The following ZBTB40 variants were observed in gnomAD, a reference collection of about 807,000 sequenced individuals.
ZBTB40 encodes the protein zinc finger and BTB domain containing 40.
ZBTB40 carries 60 observed loss-of-function variants against 117.5 expected under a neutral mutation model. The observed-to-expected ratio is 0.51, with a 90% confidence interval of 0.41 to 0.63. The LOEUF (loss-of-function observed/expected upper bound fraction) is 0.63. Ranked by LOEUF, ZBTB40 falls within the 30% of genes least tolerant of loss-of-function variation. ZBTB40 has a pLI of 0.00. For synonymous variants in ZBTB40, 525 were observed against 577.1 expected, an observed-to-expected ratio of 0.91 and a Z score of 1.29; for missense variants, 1,287 against 1,498.5, an observed-to-expected ratio of 0.86 and a Z score of 2.33.
At chr1:22,429,422 A>G (rs1015310795) in intron 1 of ZBTB40, among the ~76,000 whole-genome samples, 4 of 152,116 alleles carry the variant, frequency 2.6e-5, no homozygotes, top group Non-Finnish European at 5.9e-5. Context: ...GCAAAGTCAC[A>G]AAGGCATTTG....
chr1:22,519,995 A>G (rs567860546), intron 13 of ZBTB40, 66 bp from the exon 14 acceptor site: 2 of 1,418,662 alleles, frequency 1.4e-6, no homozygotes, highest in South Asian at 2.3e-5. Flanking sequence ...TGTTTCACTG[A>G]TGGCTGCCTA....
At chr1:22,506,579 T>C (rs1009712525) in intron 6 of ZBTB40, among the ~76,000 whole-genome samples, 1 of 152,126 alleles carries the variant, frequency 6.6e-6, no homozygotes, top group Non-Finnish European at 1.5e-5. Flanking sequence ...TATTCGCAAA[T>C]AGGAGCAGCA....
chr1:22,469,300 A>G (rs1222173290), intron 1 of ZBTB40, among the ~76,000 whole-genome samples: 6 of 151,862 alleles, frequency 4.0e-5, no homozygotes, highest in Non-Finnish European at 8.8e-5. Context: ...TTATGTTTTC[A>G]TTAATGTATT....
intron 1 of ZBTB40, among the ~76,000 whole-genome samples, chr1:22,485,285 A>C (rs920627013): frequency 6.6e-6 from 1 of 152,150 alleles, no homozygotes; most frequent in Non-Finnish European, 1.5e-5. Flanking sequence ...TGTTGCTTCC[A>C]CTTTGGGGAG....
In ZBTB40 at chr1:22,490,282, C is replaced by T; in HGVS notation, c.334C>T (p.Leu112Phe). 1 of 1,614,214 alleles carries T rather than the reference C, an allele frequency of 6.2e-7. No homozygotes were observed. ...TGATGTAGCTGTTAGCTGCAAAAAT[C>T]TTCTGACCAGCCTTGTAAACTGCTC... The part of the protein sequence containing the change: ...MFDVAVSCKN[L>F]LTSLVNCSVQ... The change falls in exon 2 of 18, where the codon CTT (leucine) becomes TTT (phenylalanine). Residue 112 changes from leucine (L) to phenylalanine (F), a missense_variant. Coordinates refer to ENST00000375647, the MANE Select transcript of ZBTB40 (RefSeq NM_014870.4).
rs894972624 is a variant in ZBTB40, at chr1:22,509,042, T to G, written c.1700-58T>G. The G allele has an allele frequency of 5.6e-6, 9 of 1,613,646 alleles. No individual in the cohort carries two copies. The African/African-American group carries it at 1.1e-4, about 19-fold the overall frequency. ...TGAAGAGTTGAGTGGAGGAAGGGTG[T>G]AGGAAAAAATGGTGCTCATTGTTTG... On this transcript the variant is annotated intron_variant, in intron 8 of 17. Coordinates refer to ENST00000375647, the MANE Select transcript of ZBTB40 (RefSeq NM_014870.4).
At chr1:22,454,470 T>C (rs1640959881) in intron 1 of ZBTB40, among the ~76,000 whole-genome samples, 1 of 152,174 alleles carries the variant, frequency 6.6e-6, no homozygotes, top group South Asian at 2.1e-4. Context: ...TCACTTTTTA[T>C]CTGGGTGGTC....
upstream of ZBTB40, among the ~76,000 whole-genome samples, chr1:22,447,809 A>G (rs1188471154): frequency 1.3e-5 from 2 of 152,238 alleles, no homozygotes. Flanking sequence ...CAGCAGCCTC[A>G]TCTGAGACTG....
chr1:22,509,854 C>A (rs1179127057), intron 9 of ZBTB40, among the ~76,000 whole-genome samples: 1 of 152,152 alleles, frequency 6.6e-6, no homozygotes, highest in Non-Finnish European at 1.5e-5. Context: ...TGACTCAAAC[C>A]AATTTATTCC....
chr1:22,461,954 G>A (rs1640748449), intron 1 of ZBTB40, among the ~76,000 whole-genome samples: 1 of 152,160 alleles, frequency 6.6e-6, no homozygotes, highest in Admixed American at 6.6e-5. Flanking sequence ...GGGGCCACAT[G>A]GGCTCCCACA....
chr1:22,449,103 C>T (rs372865359), upstream of ZBTB40, among the ~76,000 whole-genome samples: 3 of 152,122 alleles, frequency 2.0e-5, no homozygotes, highest in South Asian at 2.1e-4. Context: ...TGTGAGCCAC[C>T]GCAGCCGGCC....
intron 1 of ZBTB40, among the ~76,000 whole-genome samples, chr1:22,462,387 G>A (rs761944732): frequency 1.6e-4 from 25 of 152,168 alleles, no homozygotes; most frequent in Non-Finnish European, 2.9e-4. Flanking sequence ...TATCTCACTG[G>A]TTTTGCAAAA....
intron 3 of ZBTB40, among the ~76,000 whole-genome samples, chr1:22,498,185 A>G (rs1638829095): frequency 6.6e-6 from 1 of 152,236 alleles, no homozygotes; most frequent in African/African-American, 2.4e-5. Flanking sequence ...ACATGAATTT[A>G]TTGAAGTACC....
At position 22,501,704 on chromosome 1, in the gene ZBTB40, A is replaced by G. The variant is rs772688463; in HGVS notation, c.1024+20A>G. ...CAAAAGGTAGGAGAAGATCCTATGCATTGGAATGGCAGGGTTTTATTTTGG... is the reference window on the plus strand; with the variant it reads ...CAAAAGGTAGGAGAAGATCCTATGCGTTGGAATGGCAGGGTTTTATTTTGG... On this transcript the variant is annotated intron_variant, in intron 4 of 17. Transcript: ENST00000375647. 3 of 1,611,258 alleles carry G rather than the reference A, an allele frequency of 1.9e-6. No homozygotes were observed. Among genetic ancestry groups the G allele is most frequent in the Non-Finnish European group, 2.5e-6 (3 of 1,178,950 alleles).
Position 22,474,943 on chromosome 1 carries a change from T to TAAAA in ZBTB40, c.-69-14926_-69-14923dup, listed in dbSNP as rs57704010. ...AGATAGGGATTACCAGTACCAACAA[T>TAAAA]AAAAAAAAAAAAAACAGGTAAGCTT... On this transcript the variant is annotated intron_variant, in intron 1 of 17. Transcript: ENST00000375647. Among the ~76,000 whole-genome samples, 518 of 141,150 alleles carry TAAAA rather than the reference T, an allele frequency of 3.7e-3. 2 individuals carry two copies. The highest frequency in any genetic ancestry group is 0.011 in the Middle Eastern group (3 of 276). 92.6% of individuals were successfully genotyped at this position (141,150 alleles called of 152,430 possible).
chr1:22,442,004 T>C (rs1640738713), intron 1 of ZBTB40, among the ~76,000 whole-genome samples: 1 of 152,214 alleles, frequency 6.6e-6, no homozygotes, highest in Non-Finnish European at 1.5e-5. Context: ...TTTTAATTTC[T>C]CTTCTAATGT....
At chr1:22,524,910 G>C (rs1639635756) in intron 17 of ZBTB40, among the ~76,000 whole-genome samples, 1 of 152,230 alleles carries the variant, frequency 6.6e-6, no homozygotes, top group Non-Finnish European at 1.5e-5. Context: ...GGCTAAGCTT[G>C]ATCCAGCTTC....
At chr1:22,457,593 T>C (rs1641033850) in intron 1 of ZBTB40, among the ~76,000 whole-genome samples, 1 of 152,228 alleles carries the variant, frequency 6.6e-6, no homozygotes, top group Non-Finnish European at 1.5e-5. Context: ...GGATGCTTTA[T>C]GCAAGAAATG....
rs35637563 is a variant in ZBTB40 at position 22,528,701 on chromosome 1, AT to A, written c.*2320del. ...GCCACCACTGCTGGCCAGTTTTTGTATTTTTTTTTTTTTTTGTAGAGACAGG... is the reference window on the plus strand; with the variant it reads ...GCCACCACTGCTGGCCAGTTTTTGTATTTTTTTTTTTTTTGTAGAGACAGG... On this transcript the variant is annotated 3_prime_UTR_variant, in exon 18 of 18. Transcript: ENST00000375647. 54,731 of 142,156 alleles carry A rather than the reference AT, an allele frequency of 0.39. 10,516 individuals carry two copies. Among genetic ancestry groups the A allele is most frequent in the Admixed American group, 0.52 (7,433 of 14,208 alleles). 8.8% of individuals were successfully genotyped at this position (142,156 alleles called of 1,614,324 possible). A position where few individuals can be genotyped will look rare whatever the true frequency, so the allele number is the denominator to read the frequency against.
Sources: allele counts gnomAD v4.1 joint callset (sites outside exome capture counted in the v4.1 genomes callset), GRCh38; gene constraint gnomAD v4.1.1; transcripts MANE v1.5; gene names NCBI Gene and HGNC (gene_info 2026-07-23, HGNC 2026-07-21).